The following DOCK9 variants were observed in gnomAD, a reference collection of about 807,000 sequenced individuals.
The protein encoded by DOCK9 is dedicator of cytokinesis protein 9.
In DOCK9, 89 loss-of-function variants were observed where a neutral mutation model predicts 263.3. The observed-to-expected ratio is 0.34, with a 90% confidence interval of 0.28 to 0.40. The LOEUF is 0.40. Ranked by LOEUF, DOCK9 falls within the 10% of genes least tolerant of loss-of-function variation. The probability of loss-of-function intolerance (pLI) is 1.00; values close to 1 mark genes in which losing one functional copy is unlikely to be tolerated. For missense variants in DOCK9, 2,140 were observed against 2,603.4 expected (o/e 0.82, Z 3.87); for synonymous variants, 976 against 973.1 (o/e 1.00, Z -0.06).
chr13:99,057,898 T>C (rs143770322), intron 1 of DOCK9, among the ~76,000 whole-genome samples: 4,204 of 152,270 alleles, frequency 0.028, 94 homozygotes, highest in South Asian at 0.062. Flanking sequence ...ACTGTAATAA[T>C]ACACTGTAAT....
chr13:98,942,229 T>G (rs28409784), intron 2 of DOCK9, among the ~76,000 whole-genome samples: 21,688 of 127,754 alleles, frequency 0.17, 1,795 homozygotes, highest in South Asian at 0.28. Context: ...TGTTTTTTTT[T>G]TTGTTGTTTT....
chr13:99,049,443 C>CA (rs1056145755), intron 1 of DOCK9, among the ~76,000 whole-genome samples: 3 of 151,468 alleles, frequency 2.0e-5, no homozygotes, highest in South Asian at 4.2e-4. Context: ...GTCCCAGCTA[C>CA]AAAAAAAGGA....
Position 98,805,088 on chromosome 13 carries a change from C to T in DOCK9, c.5636G>A (p.Arg1879His), listed in dbSNP as rs369712024. 15 of 1,611,766 alleles carry T rather than the reference C, an allele frequency of 9.3e-6. No individual in the cohort carries two copies. Among genetic ancestry groups the T allele is most frequent in the African/African-American group, 1.3e-5 (1 of 74,900 alleles). The change falls in exon 49 of 53, where the codon CGC becomes CAC. Residue 1879 changes from arginine (R) to histidine (H), a missense_variant. Transcript: ENST00000682017. The part of the protein sequence containing the change: ...KTEFERSHNI[R>H]RFMFEMPFTQ... ...AAATGGCATCTCAAACATGAAGCGG[C>T]GGATGTTGTGGGATCTCTCAAACTC... is the stretch of plus-strand genomic sequence containing the variant.
At chr13:98,831,915 G>T in intron 39 of DOCK9, 129 bp from the exon 40 acceptor site, 1 of 1,118,946 alleles carries the variant, frequency 8.9e-7, no homozygotes. Flanking sequence ...ACTCTGCCTT[G>T]AATCCTCTAG....
At chr13:99,015,539 T>C in intron 1 of DOCK9, 1 of 1,598,354 alleles carries the variant, frequency 6.3e-7, no homozygotes, top group East Asian at 2.2e-5. Flanking sequence ...TGTTTGCACA[T>C]ATAAGCACAG....
intron 9 of DOCK9, among the ~76,000 whole-genome samples, chr13:98,910,970 CG>C (rs141539624): frequency 1.5e-3 from 235 of 152,208 alleles, no homozygotes; most frequent in African/African-American, 5.5e-3. Flanking sequence ...CCTTCTCAAC[CG>C]GTGCAAATAG....
intron 45 of DOCK9, 148 bp from the exon 46 acceptor site, chr13:98,810,439 C>T: frequency 9.6e-7 from 1 of 1,041,972 alleles, no homozygotes; most frequent in Non-Finnish European, 1.4e-6. Flanking sequence ...ACACTTACAA[C>T]AACATTCTTT....
intron 48 of DOCK9, among the ~76,000 whole-genome samples, chr13:98,806,801 C>A (rs1242252628): frequency 1.3e-5 from 2 of 151,340 alleles, no homozygotes; most frequent in Non-Finnish European, 2.9e-5. Context: ...CCCAGCTACT[C>A]GGGAGGCTGA....
intron 39 of DOCK9, among the ~76,000 whole-genome samples, chr13:98,835,733 CTTTTTTT>C (rs142745340): frequency 9.3e-4 from 74 of 79,406 alleles, no homozygotes; most frequent in South Asian, 5.5e-3. Context: ...CTTTACAACT[CTTTTTTT>C]TTTTTTTTTT....
At chr13:98,908,479 A>G (rs759944687) in intron 9 of DOCK9, among the ~76,000 whole-genome samples, 1 of 152,198 alleles carries the variant, frequency 6.6e-6, no homozygotes, top group Non-Finnish European at 1.5e-5. Context: ...AATGTTCATT[A>G]ATAGGGAGAT....
intron 1 of DOCK9, among the ~76,000 whole-genome samples, chr13:99,041,969 G>A (rs1888505224): frequency 6.6e-6 from 1 of 152,176 alleles, no homozygotes; most frequent in Non-Finnish European, 1.5e-5. Context: ...CAGACTTTTG[G>A]TCTCTCAGAA....
chr13:98,902,237 A>T, intron 12 of DOCK9, 51 bp downstream of exon 12: 1 of 1,575,818 alleles, frequency 6.3e-7, no homozygotes, highest in East Asian at 2.2e-5. Context: ...GCATTTAGGT[A>T]GCATGCAAAG....
intron 9 of DOCK9, among the ~76,000 whole-genome samples, chr13:98,911,573 G>A (rs1167626135): frequency 6.6e-6 from 1 of 151,992 alleles, no homozygotes; most frequent in Non-Finnish European, 1.5e-5. Context: ...ATTATTTTAT[G>A]TAAAAAATTA....
intron 1 of DOCK9, among the ~76,000 whole-genome samples, chr13:99,011,805 G>A (rs1006651078): frequency 2.0e-5 from 3 of 152,162 alleles, no homozygotes; most frequent in Non-Finnish European, 4.4e-5. Context: ...GCTGTCTCCA[G>A]TATCAGCATT....
rs1335357073 is a variant in DOCK9 at position 99,016,941 on chromosome 13, G to A, written c.130-61390C>T. ...CCACGCATGTAGTAAAATCATACCT[G>A]TAGGGAATACCATCCGGGCACGTGA... On this transcript the variant is annotated intron_variant, in intron 1 of 32. Transcript: ENST00000427887. Among the ~76,000 whole-genome samples the A allele has an allele frequency of 5.9e-5, 9 of 152,150 alleles. No homozygotes were observed. In the East Asian group the frequency reaches 1.7e-3, roughly 29 times the overall value.
At chr13:98,999,316 A>ACACACACACACACACACACT in intron 1 of DOCK9, among the ~76,000 whole-genome samples, 1 of 138,292 alleles carries the variant, frequency 7.2e-6, no homozygotes, top group Non-Finnish European at 1.5e-5. Context: ...ACACACACAC[A>ACACACACACACACACACACT]CTCTCTCTCT....
intron 1 of DOCK9, among the ~76,000 whole-genome samples, chr13:98,961,744 C>A (rs1294123248): frequency 1.3e-5 from 2 of 152,000 alleles, no homozygotes; most frequent in Non-Finnish European, 2.9e-5. Context: ...GGGACACGTC[C>A]TGTGGGGCTA....
chr13:98,949,890 A>C (rs761531464), intron 2 of DOCK9: 15 of 480,688 alleles, frequency 3.1e-5, no homozygotes, highest in Admixed American at 3.0e-4. Flanking sequence ...TTCATGTATG[A>C]GGTCTCCCAG....
chr13:98,866,595 T>G (rs370722346), intron 30 of DOCK9, among the ~76,000 whole-genome samples: 1 of 152,236 alleles, frequency 6.6e-6, no homozygotes, highest in African/African-American at 2.4e-5. Context: ...TTTGTTCAAT[T>G]TGATTTACTC....
Sources: allele counts gnomAD v4.1 joint callset (sites outside exome capture counted in the v4.1 genomes callset), GRCh38; gene constraint gnomAD v4.1.1; transcripts MANE v1.5; gene names NCBI Gene and HGNC (gene_info 2026-07-23, HGNC 2026-07-21).